SLC35A1: variants seen among roughly 807,000 people sequenced by gnomAD.
SLC35A1 encodes solute carrier family 35 member A1.
SLC35A1 carries 21 observed loss-of-function variants against 40.3 expected under a neutral mutation model. That is an observed-to-expected ratio of 0.52 (90% CI 0.37 to 0.75). The LOEUF is 0.75. SLC35A1 is among the 30% of genes least tolerant of loss of function. SLC35A1 has a pLI of 0.00. For missense variants in SLC35A1, 297 were observed against 382.1 expected (o/e 0.78, Z 1.86); for synonymous variants, 146 against 147.3 (o/e 0.99, Z 0.06).
intron 2 of SLC35A1, among the ~76,000 whole-genome samples, chr6:87,493,852 T>TC (rs76381147): frequency 0.35 from 47,699 of 137,306 alleles, 8,928 homozygotes; most frequent in African/African-American, 0.56. Context: ...AACTTGAGAT[T>TC]CCCCCATCCT....
intron 2 of SLC35A1, among the ~76,000 whole-genome samples, chr6:87,482,740 G>C (rs1769280732): frequency 6.6e-6 from 1 of 152,118 alleles, no homozygotes; most frequent in Non-Finnish European, 1.5e-5. Context: ...CTGGGTTAAG[G>C]GAATTATCAG....
chr6:87,476,806 A>T (rs991643972), intron 1 of SLC35A1, among the ~76,000 whole-genome samples: 4 of 152,064 alleles, frequency 2.6e-5, no homozygotes, highest in African/African-American at 9.7e-5. Flanking sequence ...TGGGCGGATC[A>T]CTTGAGGTCA....
chr6:87,509,465 T>G (rs145529725), intron 7 of SLC35A1, among the ~76,000 whole-genome samples: 2 of 152,262 alleles, frequency 1.3e-5, no homozygotes, highest in East Asian at 3.9e-4. Flanking sequence ...TTAGGTATTG[T>G]ATATAGGACA....
intron 1 of SLC35A1, among the ~76,000 whole-genome samples, chr6:87,474,898 T>C (rs544000996): frequency 3.9e-5 from 6 of 152,230 alleles, no homozygotes; most frequent in Admixed American, 2.0e-4. Context: ...GACAATATTA[T>C]AAGTCAGAAT....
intron 2 of SLC35A1, among the ~76,000 whole-genome samples, chr6:87,480,125 C>T (rs1014325345): frequency 1.3e-5 from 2 of 152,240 alleles, no homozygotes; most frequent in Non-Finnish European, 2.9e-5. Context: ...AAGTGCCTAA[C>T]TTCACTGCAT....
chr6:87,492,802 G>T (rs1769593396), intron 2 of SLC35A1, among the ~76,000 whole-genome samples: 1 of 151,970 alleles, frequency 6.6e-6, no homozygotes, highest in Non-Finnish European at 1.5e-5. Flanking sequence ...CACCCAGCTT[G>T]GCCTCCCAAA....
chr6:87,508,349 G>T (rs1770151181), intron 5 of SLC35A1, 71 bp from the exon 6 acceptor site: 2 of 1,026,894 alleles, frequency 1.9e-6, no homozygotes, highest in Non-Finnish European at 3.0e-6. Flanking sequence ...CTAGGGTATT[G>T]TTCTAAATGA....
At chr6:87,506,747 G>C in intron 5 of SLC35A1, 1 of 350,232 alleles carries the variant, frequency 2.9e-6, no homozygotes, top group Non-Finnish European at 5.4e-6. Context: ...GAGGAAATTA[G>C]TCTTCAGAAA....
At chr6:87,508,989 G>A (rs1562027811) in intron 6 of SLC35A1, 52 bp from the exon 7 acceptor site, 1 of 1,596,728 alleles carries the variant, frequency 6.3e-7, no homozygotes, top group Non-Finnish European at 8.6e-7. Context: ...TCACCATTAT[G>A]TAATGTTTCA....
At chr6:87,502,318 A>T (rs1043136298) in intron 4 of SLC35A1, among the ~76,000 whole-genome samples, 1 of 152,204 alleles carries the variant, frequency 6.6e-6, no homozygotes, top group Non-Finnish European at 1.5e-5. Flanking sequence ...ACAGTTTGGT[A>T]ATTACCCCTT....
At chr6:87,479,426 T>C (rs1045282335) in intron 2 of SLC35A1, among the ~76,000 whole-genome samples, 3 of 152,282 alleles carry the variant, frequency 2.0e-5, no homozygotes, top group Non-Finnish European at 4.4e-5. Context: ...GTGAGGGAAG[T>C]AAGAATTGAG....
intron 2 of SLC35A1, among the ~76,000 whole-genome samples, chr6:87,483,804 C>T (rs1769314247): frequency 1.3e-5 from 2 of 152,142 alleles, no homozygotes; most frequent in Non-Finnish European, 2.9e-5. Context: ...GCACACTTCC[C>T]ACTCATGTTG....
At chr6:87,504,205 CACTTGAGCCGAGG>C (rs1770008029) in intron 4 of SLC35A1, among the ~76,000 whole-genome samples, 1 of 149,630 alleles carries the variant, frequency 6.7e-6, no homozygotes, top group South Asian at 2.1e-4. Context: ...GTGGGAGGAT[CACTTGAGCCGAGG>C]AGGTTGAGGC....
intron 2 of SLC35A1, among the ~76,000 whole-genome samples, chr6:87,493,458 C>T (rs1476303003): frequency 7.2e-6 from 1 of 139,226 alleles, no homozygotes; most frequent in Non-Finnish European, 1.6e-5. Context: ...CTATCTAAAT[C>T]TAGTTGTGTG....
intron 1 of SLC35A1, among the ~76,000 whole-genome samples, chr6:87,473,966 C>A (rs1352936860): frequency 6.6e-6 from 1 of 152,254 alleles, no homozygotes; most frequent in Non-Finnish European, 1.5e-5. Flanking sequence ...CTCATCAGGC[C>A]CTGCCCAGGG....
chr6:87,479,011 G>C (rs1769169377), intron 2 of SLC35A1, among the ~76,000 whole-genome samples: 1 of 152,220 alleles, frequency 6.6e-6, no homozygotes, highest in Non-Finnish European at 1.5e-5. Context: ...GATGGGATGA[G>C]TGGTTTGGCG....
intron 2 of SLC35A1, among the ~76,000 whole-genome samples, chr6:87,482,664 T>C (rs1206430847): frequency 6.6e-6 from 1 of 152,212 alleles, no homozygotes; most frequent in South Asian, 2.1e-4. Flanking sequence ...AGGGAGTTCC[T>C]TCTAGGTCTG....
chr6:87,511,648 T>G lies in SLC35A1; in HGVS notation c.*122T>G. ...TAACTGTATGGCATGATCAGTGCGG[T>G]TATGTGGAAACAACAACAAACAAAC... is the stretch of plus-strand genomic sequence containing the variant. On this transcript the variant is annotated 3_prime_UTR_variant, in exon 8 of 8. Transcript: ENST00000369552. 1 of 1,092,040 alleles carries G rather than the reference T, an allele frequency of 9.2e-7. No individual in the cohort carries two copies. The highest frequency in any genetic ancestry group is 1.4e-6 in the Non-Finnish European group (1 of 710,416). 67.6% of individuals were successfully genotyped at this position (1,092,040 alleles called of 1,614,324 possible). A position where few individuals can be genotyped will look rare whatever the true frequency, so the allele number is the denominator to read the frequency against.
chr6:87,475,965 G>C lies in SLC35A1; in HGVS notation c.17-1397G>C, dbSNP rs183687351. Among the ~76,000 whole-genome samples the C allele has an allele frequency of 2.4e-3, 362 of 152,272 alleles. 2 individuals are homozygous for C. The highest frequency in any genetic ancestry group is 4.1e-3 in the Non-Finnish European group (278 of 68,022). ...ATTTGAATGGAGGTGAAGGGGAACT[G>C]GGGGACAATAGGTGGGAGGTGGGTG... is the stretch of plus-strand genomic sequence containing the variant. On this transcript the variant is annotated intron_variant, in intron 1 of 7. Transcript: ENST00000369552.
Sources: allele counts gnomAD v4.1 joint callset (sites outside exome capture counted in the v4.1 genomes callset), GRCh38; gene constraint gnomAD v4.1.1; transcripts MANE v1.5; gene names NCBI Gene and HGNC (gene_info 2026-07-23, HGNC 2026-07-21).